Variants in ETS2 observed in about 807,000 individuals in gnomAD.
ETS2 encodes protein C-ets-2.
ETS2 carries 19 observed loss-of-function variants against 54.9 expected under a neutral mutation model. The observed-to-expected ratio is 0.35, with a 90% CI of 0.24 to 0.51. The LOEUF is 0.51. Among genes scored for constraint, ETS2 ranks in the 20% least tolerant of loss-of-function variants. The pLI, the probability that ETS2 is intolerant of heterozygous loss-of-function variation, is 0.97. For missense variants in ETS2, 417 were observed against 593.0 expected, an observed-to-expected ratio of 0.70 and a Z score of 3.08; for synonymous variants, 219 against 229.3, an observed-to-expected ratio of 0.95 and a Z score of 0.41.
At chr21:38,820,274 G>A (rs1025052612) in intron 8 of ETS2, among the ~76,000 whole-genome samples, 3 of 152,172 alleles carry the variant, frequency 2.0e-5, no homozygotes, top group Admixed American at 2.0e-4. Flanking sequence ...GTACTTTAGC[G>A]AAAATACTGG....
At chr21:38,809,346 T>C (rs547458566) in intron 1 of ETS2, among the ~76,000 whole-genome samples, 7 of 152,262 alleles carry the variant, frequency 4.6e-5, no homozygotes, top group African/African-American at 1.7e-4. Context: ...GTAAGGCAGA[T>C]CCGTGCTTGG....
intron 9 of ETS2, 71 bp from the exon 10 acceptor site, chr21:38,822,603 G>A: frequency 2.3e-6 from 3 of 1,314,306 alleles, no homozygotes; most frequent in Non-Finnish European, 3.2e-6. Context: ...TCATAATCAG[G>A]GAGGAATGTC....
In ETS2 at chr21:38,813,031, G is replaced by T; in HGVS notation, c.101G>T (p.Gly34Val). ...CAGCCAGCCTTTGACACCTTTGATGGGTCCCTGTTTGCTGTTTTTCCTTCT... is the reference window on the plus strand; with the variant it reads ...CAGCCAGCCTTTGACACCTTTGATGTGTCCCTGTTTGCTGTTTTTCCTTCT... The part of the protein sequence containing the change: ...KRQPAFDTFD[G>V]SLFAVFPSLN... The change falls in exon 3 of 10, where the codon GGG becomes GTG. Residue 34 changes from glycine to valine, a missense_variant. Physicochemically the swap from Gly to Val is moderately radical, Grantham distance 109. Around this residue, in one of 3 missense-constraint regions of ETS2, gnomAD observed 326 missense variants for 426.1 expected, o/e 0.76. Transcript: ENST00000360938. The T allele has an allele frequency of 6.2e-7, 1 of 1,613,818 alleles. No homozygotes were observed. The highest frequency in any genetic ancestry group is 8.5e-7 in the Non-Finnish European group (1 of 1,179,794).
upstream of ETS2, chr21:38,805,245 T>G: frequency 1.1e-6 from 1 of 951,622 alleles, no homozygotes. The surrounding 1 kb of genome is among the most constrained non-coding windows in gnomAD (Gnocchi z 5.2). Context: ...GCACCACGAC[T>G]CGGGGACACA....
intron 5 of ETS2, among the ~76,000 whole-genome samples, chr21:38,816,751 G>C (rs1310205916): frequency 6.6e-6 from 1 of 152,178 alleles, no homozygotes; most frequent in African/African-American, 2.4e-5. Context: ...TGGACCTTTT[G>C]CGATAGAAAA....
At chr21:38,805,254 C>G, upstream of ETS2, 1 of 1,026,992 alleles carries the variant, frequency 9.7e-7, no homozygotes, top group African/African-American at 1.7e-5. This position sits in a 1 kb window ranked among gnomAD's most constrained non-coding sequence, Gnocchi z 5.2. Context: ...CTCGGGGACA[C>G]AGCCAGGGCC....
rs1470671288 is a variant in ETS2 at position 38,819,612 on chromosome 21, G to C, written c.921G>C (p.Arg307=). 2 of 1,614,182 alleles carry C rather than the reference G, an allele frequency of 1.2e-6. No individual in the cohort carries two copies. Among genetic ancestry groups the C allele is most frequent in the South Asian group, 2.2e-5 (2 of 91,076 alleles). Reference sequence around the variant, plus strand: ...AGTCGTCCTTGCTGGATGTGCAACGGGTTCCTTCCTTCGAGAGCTTCGAAG... The same window carrying C: ...AGTCGTCCTTGCTGGATGTGCAACGCGTTCCTTCCTTCGAGAGCTTCGAAG... The part of the protein sequence containing the change: ...NSQSSLLDVQ[R]VPSFESFEDD... The change falls in exon 8 of 10, where the codon CGG becomes CGC. Residue 307 remains arginine, a synonymous_variant. Coordinates refer to ENST00000360938, the MANE Select transcript of ETS2 (RefSeq NM_005239.6).
intron 5 of ETS2, among the ~76,000 whole-genome samples, chr21:38,816,754 A>G (rs1238020325): frequency 6.6e-6 from 1 of 152,246 alleles, no homozygotes; most frequent in African/African-American, 2.4e-5. Context: ...ACCTTTTGCG[A>G]TAGAAAATTT....
chr21:38,809,081 A>G (rs2123406805), intron 1 of ETS2, among the ~76,000 whole-genome samples: 1 of 152,398 alleles, frequency 6.6e-6, no homozygotes, highest in Middle Eastern at 3.4e-3. Flanking sequence ...GCCTCATTGT[A>G]ATAGCCATGT....
rs529422635 is a variant in ETS2, at chr21:38,813,445, G to A, written c.184+331G>A. ...TCTGCCCTGGAAAACAGACAGAAGA[G>A]TAGACATTAAAACACACCCAAACTT... On this transcript the variant is annotated intron_variant, in intron 3 of 9. Transcript: ENST00000360938. Among the ~76,000 whole-genome samples the A allele has an allele frequency of 1.1e-4, 16 of 152,330 alleles. No homozygotes were observed. In the South Asian group the frequency reaches 3.3e-3, roughly 32 times the overall value.
chr21:38,822,984 T>G lies in ETS2; in HGVS notation c.*95T>G. The G allele has an allele frequency of 9.6e-7, 1 of 1,039,732 alleles. No homozygotes were observed. Among genetic ancestry groups the G allele is most frequent in the Non-Finnish European group, 1.3e-6 (1 of 749,780 alleles). The allele number at this position is 1,039,732 out of a possible 1,614,324, so 64.4% of individuals were successfully genotyped here. A position where few individuals can be genotyped will look rare whatever the true frequency, so the allele number is the denominator to read the frequency against. On this transcript the variant is annotated 3_prime_UTR_variant, in exon 10 of 10. Transcript: ENST00000360938. ...CTCCGAGGACCCAGGAAAGGCAGGA[T>G]TGAAAATGTCCAGGAAAGTGGCCAA...
Sources: allele counts gnomAD v4.1 joint callset (sites outside exome capture counted in the v4.1 genomes callset), GRCh38; gene constraint gnomAD v4.1.1; regional missense constraint gnomAD v4.1.1; non-coding constraint Gnocchi (gnomAD v3.1); transcripts MANE v1.5; gene names NCBI Gene and HGNC (gene_info 2026-07-23, HGNC 2026-07-21).